The following FAM234B variants were observed in gnomAD, a reference collection of about 807,000 sequenced individuals.
FAM234B encodes family with sequence similarity 234 member B.
FAM234B carries 33 observed loss-of-function variants against 69.3 expected under a neutral mutation model. That is an observed-to-expected ratio of 0.48 (90% CI 0.36 to 0.64). FAM234B has a LOEUF of 0.64. FAM234B is among the 30% of genes least tolerant of loss of function. FAM234B has a pLI of 0.00. For synonymous variants in FAM234B, 306 were observed against 306.9 expected (o/e 1.00, Z 0.03); for missense variants, 697 against 769.7 (o/e 0.91, Z 1.12).
intron 11 of FAM234B, among the ~76,000 whole-genome samples, chr12:13,076,807 C>T (rs1865167217): frequency 6.6e-6 from 1 of 152,266 alleles, no homozygotes; most frequent in Non-Finnish European, 1.5e-5. Context: ...ATTGGGATTG[C>T]AGCCTCTGCT....
At chr12:13,056,958 A>G (rs994147002) in intron 2 of FAM234B, among the ~76,000 whole-genome samples, 21 of 147,858 alleles carry the variant, frequency 1.4e-4, no homozygotes, top group Admixed American at 4.7e-4. Context: ...GAATTTAATC[A>G]TGCAGTCTTC....
intron 7 of FAM234B, among the ~76,000 whole-genome samples, chr12:13,068,075 G>A (rs1221256017): frequency 1.3e-5 from 2 of 152,172 alleles, no homozygotes; most frequent in African/African-American, 2.4e-5. Flanking sequence ...CACTTTTCCT[G>A]TGAGTTCCTT....
Position 13,055,794 on chromosome 12 carries a change from C to T in FAM234B, c.281C>T (p.Ala94Val), listed in dbSNP as rs146476799. ...CCCCTTGGGGGCCTGGAACAGAAGGCGGCCTCCTCCCTGGTGTCATATGTG... is the reference window on the plus strand; with the variant it reads ...CCCCTTGGGGGCCTGGAACAGAAGGTGGCCTCCTCCCTGGTGTCATATGTG... ...SEPLGGLEQK[A>V]ASSLVSYVRT... Residue 94 changes from alanine to valine, a missense_variant, in exon 2 of 13, where the codon GCG (alanine) becomes GTG (valine). Transcript: ENST00000197268. 3.7e-5 allele frequency: 59 copies of T among 1,614,176 alleles called. No homozygotes were observed. The South Asian group carries it at 4.4e-4, about 12-fold the overall frequency.
At chr12:13,066,561 A>G (rs551497824) in intron 5 of FAM234B, 79 bp from the exon 6 acceptor site, 1,275 of 1,455,502 alleles carry the variant, frequency 8.8e-4, no homozygotes, top group Middle Eastern at 7.5e-3. Context: ...ATGAGGAGGC[A>G]GTGACTGTCT....
At chr12:13,053,259 G>A (rs1300179413) in intron 1 of FAM234B, among the ~76,000 whole-genome samples, 1 of 151,906 alleles carries the variant, frequency 6.6e-6, no homozygotes, top group Non-Finnish European at 1.5e-5. Flanking sequence ...AGTACTTAAT[G>A]TTATAATTCT....
chr12:13,073,097 G>A (rs188847047), intron 10 of FAM234B, among the ~76,000 whole-genome samples: 7 of 152,072 alleles, frequency 4.6e-5, no homozygotes, highest in Admixed American at 2.6e-4. Flanking sequence ...TTCTGCTAAA[G>A]CTTTGGCTTT....
Position 13,053,957 on chromosome 12 carries a change from G to A in FAM234B, c.38-1594G>A, listed in dbSNP as rs554044991. Reference sequence around the variant, plus strand: ...TGATATCTTCCCTACTTGCACATCCGTTTATAGGCTCTCTGCAAGAAGAAA... The same window carrying A: ...TGATATCTTCCCTACTTGCACATCCATTTATAGGCTCTCTGCAAGAAGAAA... On this transcript the variant is annotated intron_variant, in intron 1 of 12. Coordinates refer to ENST00000197268, the MANE Select transcript of FAM234B (RefSeq NM_020853.2). Among the ~76,000 whole-genome samples, 67 of 152,218 alleles carry A rather than the reference G, an allele frequency of 4.4e-4. 1 individual carries two copies. Among genetic ancestry groups the A allele is most frequent in the African/African-American group, 1.4e-3 (59 of 41,518 alleles).
intron 10 of FAM234B, among the ~76,000 whole-genome samples, chr12:13,075,610 C>CT (rs5796522): frequency 0.23 from 28,791 of 122,708 alleles, 3,787 homozygotes; most frequent in African/African-American, 0.35. Flanking sequence ...TTTTTTTTCT[C>CT]TTTTTTTTTT....
chr12:13,073,039 A>G (rs1160249956), intron 10 of FAM234B, among the ~76,000 whole-genome samples: 1 of 152,140 alleles, frequency 6.6e-6, no homozygotes, highest in Admixed American at 6.5e-5. Flanking sequence ...GAGTAGGAAC[A>G]TTGTTGTGAT....
At chr12:13,056,022 A>C in intron 2 of FAM234B, 76 bp downstream of exon 2, 3 of 1,398,986 alleles carry the variant, frequency 2.1e-6, no homozygotes, top group Non-Finnish European at 2.8e-6. Context: ...TTTCCTCCAA[A>C]TCTTAAAACT....
At chr12:13,058,196 T>A (rs1014679237) in intron 2 of FAM234B, among the ~76,000 whole-genome samples, 8 of 152,192 alleles carry the variant, frequency 5.3e-5, no homozygotes, top group Non-Finnish European at 1.2e-4. Context: ...ACTCATCACC[T>A]TGTCATTCCT....
At chr12:13,056,554 A>G (rs1864932077) in intron 2 of FAM234B, among the ~76,000 whole-genome samples, 1 of 152,092 alleles carries the variant, frequency 6.6e-6, no homozygotes, top group Non-Finnish European at 1.5e-5. Flanking sequence ...TCTCTTGTGA[A>G]CTGGATTAAG....
At chr12:13,066,597 A>C (rs756370804) in intron 5 of FAM234B, 43 bp from the exon 6 acceptor site, 6 of 1,563,218 alleles carry the variant, frequency 3.8e-6, no homozygotes, top group Non-Finnish European at 3.5e-6. Context: ...TTAGCAAACG[A>C]TAGGGCTTCT....
At chr12:13,077,471 T>C (rs1276753341) in intron 11 of FAM234B, among the ~76,000 whole-genome samples, 1 of 140,030 alleles carries the variant, frequency 7.1e-6, no homozygotes, top group Non-Finnish European at 1.5e-5. Flanking sequence ...CCTTCTTGTG[T>C]CCATGTGTTC....
intron 9 of FAM234B, 78 bp from the exon 10 acceptor site, chr12:13,071,163 A>G: frequency 6.7e-7 from 1 of 1,489,940 alleles, no homozygotes; most frequent in Non-Finnish European, 9.3e-7. Flanking sequence ...ATACCTGTGC[A>G]TTTTTGTGTG....
At position 13,082,772 on chromosome 12, in the gene FAM234B, C is replaced by T. The variant is rs913599874; in HGVS notation, c.*2142C>T. On this transcript the variant is annotated 3_prime_UTR_variant, in exon 13 of 13. Coordinates refer to ENST00000197268, the MANE Select transcript of FAM234B (RefSeq NM_020853.2). ...CCAGCCACTCTGCGCAGGAGTGAAACATGAAGTTGTTTTCTGAGGACCTGT... is the reference window on the plus strand; with the variant it reads ...CCAGCCACTCTGCGCAGGAGTGAAATATGAAGTTGTTTTCTGAGGACCTGT... 2.6e-5 allele frequency: 4 copies of T among 152,164 alleles called. No individual in the cohort carries two copies. The highest frequency in any genetic ancestry group is 9.7e-5 in the African/African-American group (4 of 41,428). 9.4% of individuals were successfully genotyped at this position (152,164 alleles called of 1,614,324 possible).
intron 9 of FAM234B, among the ~76,000 whole-genome samples, chr12:13,069,295 C>CT (rs1015329955): frequency 6.6e-6 from 1 of 152,132 alleles, no homozygotes; most frequent in Admixed American, 6.5e-5. Flanking sequence ...ACTTTCATTT[C>CT]TTTAACATTA....
chr12:13,047,977 A>G (rs1295436088), intron 1 of FAM234B, among the ~76,000 whole-genome samples: 1 of 152,254 alleles, frequency 6.6e-6, no homozygotes. Context: ...CAAAACTTGC[A>G]GTCTGTAATC....
intron 1 of FAM234B, among the ~76,000 whole-genome samples, chr12:13,055,280 A>G (rs1864916326): frequency 6.6e-6 from 1 of 152,236 alleles, no homozygotes. Flanking sequence ...AAGGCATTTT[A>G]AATTTGCTAA....
Sources: allele counts gnomAD v4.1 joint callset (sites outside exome capture counted in the v4.1 genomes callset), GRCh38; gene constraint gnomAD v4.1.1; transcripts MANE v1.5; gene names NCBI Gene and HGNC (gene_info 2026-07-23, HGNC 2026-07-21).